Variants in SPATA31A1 observed in about 807,000 individuals in gnomAD.
SPATA31A1 encodes SPATA31 subfamily A member 1, also known as spermatogenesis-associated protein 31A1.
For missense variants in SPATA31A1, 579 were observed against 1,476.3 expected, an observed-to-expected ratio of 0.39 and a Z score of 9.96; for synonymous variants, 194 against 573.4, an observed-to-expected ratio of 0.34 and a Z score of 9.45.
Position 39,358,706 on chromosome 9 carries a change from C to A in SPATA31A1, c.941C>A (p.Ala314Asp). 1.2e-6 allele frequency: 2 copies of A among 1,607,944 alleles called. No homozygotes were observed. Among genetic ancestry groups the A allele is most frequent in the Non-Finnish European group, 8.5e-7 (1 of 1,179,818 alleles). The change falls in exon 4 of 4, where the codon GCT (alanine) becomes GAT (aspartate). Residue 314 changes from alanine (A) to aspartate (D), a missense_variant. Coordinates refer to ENST00000377647, the MANE Select transcript of SPATA31A1 (RefSeq NM_001085452.4). ...RHPPETYQME[A>D]GSLFLLSSDG... Reference sequence around the variant, plus strand: ...CCACCAGAGACCTACCAGATGGAAGCTGGTAGCCTGTTTTTGCTCAGCTCT... The same window carrying A: ...CCACCAGAGACCTACCAGATGGAAGATGGTAGCCTGTTTTTGCTCAGCTCT...
In SPATA31A1 at chr9:39,360,968, C is replaced by T. The variant is rs575219195; in HGVS notation, c.3203C>T (p.Ala1068Val). 4.4e-4 allele frequency: 707 copies of T among 1,608,582 alleles called. 9 individuals carry two copies. In the African/African-American group the frequency reaches 6.9e-3, roughly 16 times the overall value. Reference protein sequence around the residue: ...LQSMPAGNMRASQELHDLMAA... With the variant: ...LQSMPAGNMRVSQELHDLMAA... ...AGCATGCCTGCTGGGAACATGCGGG[C>T]TTCCCAGGAGCTACATGACCTTATG... Residue 1068 changes from alanine to valine, a missense_variant, in exon 4 of 4, where the codon GCT (alanine) becomes GTT (valine). Ala to Val is a moderately conservative substitution (Grantham distance 64). Coordinates refer to ENST00000377647, the MANE Select transcript of SPATA31A1 (RefSeq NM_001085452.4).
Position 39,358,569 on chromosome 9 carries a change from A to C in SPATA31A1, c.804A>C (p.Ser268=). ...TGGTGGCTTCTGTCCCAGCCATCTC[A>C]GGCCTTGGTGGCTCAAACAGTCATG... ...EDLVASVPAI[S]GLGGSNSHVS... Residue 268 remains serine (S), a synonymous_variant, in exon 4 of 4, where the codon TCA becomes TCC. Coordinates refer to ENST00000377647, the MANE Select transcript of SPATA31A1 (RefSeq NM_001085452.4). The C allele has an allele frequency of 6.3e-7, 1 of 1,590,186 alleles. No homozygotes were observed. Among genetic ancestry groups the C allele is most frequent in the East Asian group, 2.3e-5 (1 of 44,338 alleles).
chr9:39,357,721 C>T lies in SPATA31A1; in HGVS notation c.248-37C>T, dbSNP rs1210081921. The T allele has an allele frequency of 3.4e-6, 4 of 1,182,018 alleles. No homozygotes were observed. In the East Asian group the frequency reaches 9.5e-5, roughly 28 times the overall value. The allele number at this position is 1,182,018 out of a possible 1,614,324, so 73.2% of individuals were successfully genotyped here. A position where few individuals can be genotyped will look rare whatever the true frequency, so the allele number is the denominator to read the frequency against. On this transcript the variant is annotated intron_variant, in intron 2 of 3. Transcript: ENST00000377647. Reference sequence around the variant, plus strand: ...CAGCCTCCTGTGAGAACCCAGGCCCCTCCCTCACTGCCCTAACCCAGTCTC... The same window carrying T: ...CAGCCTCCTGTGAGAACCCAGGCCCTTCCCTCACTGCCCTAACCCAGTCTC...
In SPATA31A1 at chr9:39,359,103, G is replaced by C; in HGVS notation, c.1338G>C (p.Leu446Phe). The C allele has an allele frequency of 1.2e-6, 2 of 1,610,542 alleles. No homozygotes were observed. Among genetic ancestry groups the C allele is most frequent in the Non-Finnish European group, 1.7e-6 (2 of 1,179,784 alleles). Residue 446 changes from leucine to phenylalanine, a missense_variant, in exon 4 of 4, where the codon TTG becomes TTC. Physicochemically the swap from Leu to Phe is conservative, Grantham distance 22 (BLOSUM62 0). Transcript: ENST00000377647. ...RSYTLQSPPF[L>F]FNEMSNVCPI... ...ATACTTTACAGTCTCCTCCTTTCTT[G>C]TTCAATGAAATGTCCAATGTCTGCC...
chr9:39,355,966 CTTTT>C, intron 1 of SPATA31A1, 47 bp downstream of exon 1: 1 of 152,816 alleles, frequency 6.5e-6, no homozygotes, highest in Non-Finnish European at 1.1e-5. Flanking sequence ...TCTCTCCTTT[CTTTT>C]TATTATTAGT....
At position 39,359,178 on chromosome 9, in the gene SPATA31A1, C is replaced by T. The variant is rs1823399903; in HGVS notation, c.1413C>T (p.Pro471=). 2.5e-6 allele frequency: 4 copies of T among 1,611,874 alleles called. No homozygotes were observed. Among genetic ancestry groups the T allele is most frequent in the East Asian group, 2.2e-5 (1 of 44,868 alleles). ...CCCCACTGCTTTTCCAGGCCCAGCCCCCGTCCCATCTGGGGCCCGAGTGCC... is the reference window on the plus strand; with the variant it reads ...CCCCACTGCTTTTCCAGGCCCAGCCTCCGTCCCATCTGGGGCCCGAGTGCC... The part of the protein sequence containing the change: ...TMSPLLFQAQ[P]PSHLGPECQP... The change falls in exon 4 of 4, where the codon CCC becomes CCT. Residue 471 remains proline, a synonymous_variant. Transcript: ENST00000377647.
intron 2 of SPATA31A1, chr9:39,357,540 G>C (rs1455832512): frequency 9.5e-5 from 59 of 622,076 alleles, no homozygotes; most frequent in Middle Eastern, 4.4e-4. Flanking sequence ...TGTGAGGACT[G>C]TGGGGGTGGG....
In SPATA31A1 at chr9:39,361,045, C is replaced by A. The variant is rs758457157; in HGVS notation, c.3280C>A (p.Gln1094Lys). 1.2e-6 allele frequency: 2 copies of A among 1,611,158 alleles called. No individual in the cohort carries two copies. The highest frequency in any genetic ancestry group is 2.2e-5 in the South Asian group (2 of 90,948). The change falls in exon 4 of 4, where the codon CAA becomes AAA. Residue 1094 changes from glutamine (Q) to lysine (K), a missense_variant. By Grantham distance (53) the Gln-to-Lys change is moderately conservative. Coordinates refer to ENST00000377647, the MANE Select transcript of SPATA31A1 (RefSeq NM_001085452.4). The part of the protein sequence containing the change: ...VHEEPRNPNC[Q>K]GSCKNQRPMF... ...CGAGGAGCCCAGAAACCCAAACTGT[C>A]AAGGCTCATGCAAGAACCAAAGGCC... is the stretch of plus-strand genomic sequence containing the variant.
In SPATA31A1 at chr9:39,360,983, A is replaced by C. The variant is rs774057440; in HGVS notation, c.3218A>C (p.His1073Pro). ...AACATGCGGGCTTCCCAGGAGCTAC[A>C]TGACCTTATGGCAGCCAGAAGGAGC... ...AGNMRASQEL[H>P]DLMAARRSKL... Residue 1073 changes from histidine (H) to proline (P), a missense_variant, in exon 4 of 4, where the codon CAT becomes CCT. Transcript: ENST00000377647. 8.1e-6 allele frequency: 13 copies of C among 1,609,962 alleles called. No individual in the cohort carries two copies. The South Asian group carries it at 1.3e-4, about 16-fold the overall frequency.
chr9:39,358,468 A>G lies in SPATA31A1; in HGVS notation c.703A>G (p.Ile235Val). 8 of 1,563,904 alleles carry G rather than the reference A, an allele frequency of 5.1e-6. No individual in the cohort carries two copies. Among genetic ancestry groups the G allele is most frequent in the Non-Finnish European group, 6.9e-6 (8 of 1,159,976 alleles). ...TAPPLRDSTL[I>V]TPSHCDSVAL... ...TCCTCCCCTGCGGGACTCCACACTGATAACTCCATCTCACTGTGACTCAGT... is the reference window on the plus strand; with the variant it reads ...TCCTCCCCTGCGGGACTCCACACTGGTAACTCCATCTCACTGTGACTCAGT... Residue 235 changes from isoleucine (I) to valine (V), a missense_variant, in exon 4 of 4, where the codon ATA becomes GTA. Coordinates refer to ENST00000377647, the MANE Select transcript of SPATA31A1 (RefSeq NM_001085452.4).
Position 39,361,322 on chromosome 9 carries a change from C to T in SPATA31A1, c.3557C>T (p.Thr1186Ile). Reference sequence around the variant, plus strand: ...AAAAAAAGCAAGCCAGCACCAGTCACTGCTGAGAGCCAAAAAACAGTGAAA... The same window carrying T: ...AAAAAAAGCAAGCCAGCACCAGTCATTGCTGAGAGCCAAAAAACAGTGAAA... Reference protein sequence around the residue: ...SKKKSKPAPVTAESQKTVKNR... With the variant: ...SKKKSKPAPVIAESQKTVKNR... The change falls in exon 4 of 4, where the codon ACT becomes ATT. Residue 1186 changes from threonine to isoleucine, a missense_variant. Transcript: ENST00000377647. 6.2e-7 allele frequency: 1 copy of T among 1,613,506 alleles called. No individual in the cohort carries two copies. The highest frequency in any genetic ancestry group is 8.5e-7 in the Non-Finnish European group (1 of 1,179,852).
rs1823447072 is a variant in SPATA31A1, at chr9:39,360,823, A to G, written c.3058A>G (p.Lys1020Glu). The change falls in exon 4 of 4, where the codon AAG (lysine) becomes GAG (glutamate). Residue 1020 changes from lysine to glutamate, a missense_variant. By Grantham distance (56) the Lys-to-Glu change is moderately conservative (BLOSUM62 1). Transcript: ENST00000377647. ...VNEFEPGMAT[K>E]SETQPQVCAA... ...TGAATTTGAGCCTGGAATGGCCACA[A>G]AGTCAGAGACCCAGCCTCAAGTTTG... 1 of 1,605,646 alleles carries G rather than the reference A, an allele frequency of 6.2e-7. No homozygotes were observed. The highest frequency in any genetic ancestry group is 1.4e-5 in the African/African-American group (1 of 73,456).
chr9:39,360,998 C>T lies in SPATA31A1; in HGVS notation c.3233C>T (p.Ala1078Val), dbSNP rs1387323640. Residue 1078 changes from alanine to valine, a missense_variant, in exon 4 of 4, where the codon GCC (alanine) becomes GTC (valine). Physicochemically the swap from Ala to Val is moderately conservative, Grantham distance 64. Coordinates refer to ENST00000377647, the MANE Select transcript of SPATA31A1 (RefSeq NM_001085452.4). ...ASQELHDLMA[A>V]RRSKLVHEEP... ...CAGGAGCTACATGACCTTATGGCAG[C>T]CAGAAGGAGCAAACTGGTGCACGAG... 7 of 1,610,440 alleles carry T rather than the reference C, an allele frequency of 4.3e-6. No homozygotes were observed. The Admixed American group carries it at 6.7e-5, about 15-fold the overall frequency.
intron 3 of SPATA31A1, 68 bp downstream of exon 3, chr9:39,357,886 G>T (rs1234561479): frequency 2.1e-4 from 311 of 1,502,194 alleles, no homozygotes; most frequent in Middle Eastern, 1.4e-3. Flanking sequence ...GCCACAGGCA[G>T]CCTGGAGCTG....
chr9:39,358,740 G>C lies in SPATA31A1; in HGVS notation c.975G>C (p.Gln325His). The C allele has an allele frequency of 1.2e-6, 2 of 1,604,086 alleles. No homozygotes were observed. The highest frequency in any genetic ancestry group is 1.3e-5 in the African/African-American group (1 of 74,798). Residue 325 changes from glutamine to histidine, a missense_variant, in exon 4 of 4, where the codon CAG becomes CAC. Physicochemically the swap from Gln to His is conservative, Grantham distance 24 (BLOSUM62 0). Coordinates refer to ENST00000377647, the MANE Select transcript of SPATA31A1 (RefSeq NM_001085452.4). ...TGTTTTTGCTCAGCTCTGATGGCCA[G>C]AATGCCGTGGGGATACAAGTCACAG... ...GSLFLLSSDG[Q>H]NAVGIQVTET... is the part of the protein sequence containing the mutation.
At position 39,358,563 on chromosome 9, in the gene SPATA31A1, C is replaced by T. The variant is rs1823385152; in HGVS notation, c.798C>T (p.Ala266=). 1 of 1,589,126 alleles carries T rather than the reference C, an allele frequency of 6.3e-7. No homozygotes were observed. Among genetic ancestry groups the T allele is most frequent in the Non-Finnish European group, 8.5e-7 (1 of 1,177,294 alleles). Residue 266 remains alanine, a synonymous_variant, in exon 4 of 4, where the codon GCC becomes GCT. Transcript: ENST00000377647. The part of the protein sequence containing the change: ...PHEDLVASVP[A]ISGLGGSNSH... ...AGGATTTGGTGGCTTCTGTCCCAGCCATCTCAGGCCTTGGTGGCTCAAACA... is the reference window on the plus strand; with the variant it reads ...AGGATTTGGTGGCTTCTGTCCCAGCTATCTCAGGCCTTGGTGGCTCAAACA...
chr9:39,356,482 C>G (rs1199209127), intron 1 of SPATA31A1, among the ~76,000 whole-genome samples: 1 of 123,948 alleles, frequency 8.1e-6, no homozygotes, highest in Non-Finnish European at 1.7e-5. Flanking sequence ...GAAAATCCCT[C>G]TGTGTGTGTG....
Position 39,357,780 on chromosome 9 carries a change from C to A in SPATA31A1, c.270C>A (p.Gly90=). ...SLRAGRECPR[G]LQETSDLLSQ... is the part of the protein sequence containing the mutation. ...CAGCTGGTAGAGAGTGCCCGAGAGG[C>A]CTGCAGGAGACTTCGGACCTGCTTT... The change falls in exon 3 of 4, where the codon GGC becomes GGA. Residue 90 remains glycine, a synonymous_variant. Transcript: ENST00000377647. The A allele has an allele frequency of 1.3e-6, 2 of 1,584,242 alleles. No homozygotes were observed. The highest frequency in any genetic ancestry group is 1.1e-5 in the South Asian group (1 of 89,904).
chr9:39,357,246 A>G, intron 2 of SPATA31A1, 57 bp downstream of exon 2: 2 of 1,607,250 alleles, frequency 1.2e-6, no homozygotes, highest in Non-Finnish European at 1.7e-6. Flanking sequence ...CCCGGAGGGA[A>G]CTGACTCTGA....
Sources: allele counts gnomAD v4.1 joint callset (sites outside exome capture counted in the v4.1 genomes callset), GRCh38; gene constraint gnomAD v4.1.1; transcripts MANE v1.5; gene names NCBI Gene and HGNC (gene_info 2026-07-23, HGNC 2026-07-21).